Variants in IGSF10 observed in about 807,000 individuals in gnomAD.
The protein encoded by IGSF10 is immunoglobulin superfamily member 10.
IGSF10 carries 126 observed loss-of-function variants against 128.2 expected under a neutral mutation model. That is an observed-to-expected ratio of 0.98 (90% confidence interval 0.85 to 1.14). IGSF10 has a LOEUF of 1.14. Among genes scored for constraint, IGSF10 ranks in the 50% most tolerant of loss-of-function variants. IGSF10 has a pLI of 0.00. For missense variants in IGSF10, 3,295 were observed against 3,149.8 expected (o/e 1.05, Z -1.10); for synonymous variants, 1,185 against 1,146.2 (o/e 1.03, Z -0.68).
the IGSF10 span, among the ~76,000 whole-genome samples, chr3:151,608,705 T>G: frequency 6.6e-6 from 1 of 152,316 alleles, no homozygotes; most frequent in Non-Finnish European, 1.5e-5. Flanking sequence ...TTTTGGACAT[T>G]AGGGGCACAG....
At chr3:151,554,314 A>T in the IGSF10 span, among the ~76,000 whole-genome samples, 4 of 152,120 alleles carry the variant, frequency 2.6e-5, no homozygotes, top group African/African-American at 7.2e-5. Context: ...AAATAAAAAT[A>T]AAAAAATTAT....
chr3:151,456,699 A>AT (rs1262282328), intron 4 of IGSF10, among the ~76,000 whole-genome samples: 11 of 152,210 alleles, frequency 7.2e-5, no homozygotes, highest in African/African-American at 2.2e-4. Flanking sequence ...TAAGATAGTC[A>AT]TTACTTTTAG....
the IGSF10 span, among the ~76,000 whole-genome samples, chr3:151,517,622 G>A: frequency 6.6e-6 from 1 of 151,868 alleles, no homozygotes; most frequent in African/African-American, 2.4e-5. Context: ...GTAACAGAGT[G>A]GCACTAAGGC....
intron 4 of IGSF10, 109 bp from the exon 5 acceptor site, chr3:151,453,883 T>C (rs1217638927): frequency 3.1e-6 from 2 of 636,390 alleles, no homozygotes. Flanking sequence ...GTGCAATTTA[T>C]ATACCTTCTT....
At chr3:151,617,237 TTCCTCC>T in the IGSF10 span, among the ~76,000 whole-genome samples, 43 of 129,032 alleles carry the variant, frequency 3.3e-4, no homozygotes, top group Admixed American at 4.7e-4. Flanking sequence ...CTTCTTCTTC[TTCCTCC>T]TCCTCTTCTT....
the IGSF10 span, among the ~76,000 whole-genome samples, chr3:151,546,139 A>C: frequency 6.6e-6 from 1 of 151,832 alleles, no homozygotes; most frequent in African/African-American, 2.4e-5. Flanking sequence ...ACCTGGGAGC[A>C]TCAAAAACAG....
Position 151,448,094 on chromosome 3 carries a change from T to G in IGSF10, c.1887A>C (p.Thr629=). ...SRDKKVLNNG[T]LRILQVTPKD... ...TCGGGGTGACCTGTAATATTCTTAA[T>G]GTGCCATTGTTTAGAACTTTCTTGT... is the stretch of plus-strand genomic sequence containing the variant. Residue 629 remains threonine (T), a synonymous_variant, in exon 6 of 8, where the codon ACA becomes ACC. Coordinates refer to ENST00000282466, the MANE Select transcript of IGSF10 (RefSeq NM_178822.5). The G allele has an allele frequency of 6.2e-7, 1 of 1,614,230 alleles. No homozygotes were observed. The highest frequency in any genetic ancestry group is 8.5e-7 in the Non-Finnish European group (1 of 1,180,048).
the IGSF10 span, among the ~76,000 whole-genome samples, chr3:151,548,288 C>T: frequency 6.6e-6 from 1 of 152,086 alleles, no homozygotes; most frequent in East Asian, 1.9e-4. Flanking sequence ...TGTCAACAGC[C>T]CCAGCTAAGG....
the IGSF10 span, among the ~76,000 whole-genome samples, chr3:151,533,088 T>C: frequency 7.2e-5 from 11 of 152,052 alleles, no homozygotes; most frequent in East Asian, 1.4e-3. Context: ...ATAAAATACC[T>C]AGGAATAAAA....
downstream of IGSF10, chr3:151,432,842 A>G (rs1288898559): frequency 2.6e-6 from 4 of 1,527,938 alleles, no homozygotes; most frequent in Non-Finnish European, 3.6e-6. Flanking sequence ...TTATGTTTGC[A>G]CTGAAAAACA....
chr3:151,614,452 A>C, the IGSF10 span, among the ~76,000 whole-genome samples: 1 of 152,256 alleles, frequency 6.6e-6, no homozygotes, highest in Non-Finnish European at 1.5e-5. Context: ...CTGGATTAAG[A>C]AAATGTGGCA....
At chr3:151,460,741 T>G (rs922705384) in intron 1 of IGSF10, among the ~76,000 whole-genome samples, 34 of 152,044 alleles carry the variant, frequency 2.2e-4, no homozygotes, top group Non-Finnish European at 2.1e-4. Context: ...GTGTTTTTTT[T>G]TTTTGCCTGG....
At chr3:151,604,785 T>C in the IGSF10 span, among the ~76,000 whole-genome samples, 1 of 152,162 alleles carries the variant, frequency 6.6e-6, no homozygotes, top group African/African-American at 2.4e-5. Flanking sequence ...AGTTATATTC[T>C]ATAAAGTCAC....
At position 151,436,307 on chromosome 3, in the gene IGSF10, CTCTGT is replaced by C. The variant is rs781640809; in HGVS notation, c.*377_*381del. Reference sequence around the variant, plus strand: ...TTGCAGATTTAATATTTTCCATTGTCTCTGTTCTGAGTGCCATGCTTGTAACATTG... The same window carrying C: ...TTGCAGATTTAATATTTTCCATTGTCTCTGAGTGCCATGCTTGTAACATTG... On this transcript the variant is annotated 3_prime_UTR_variant, in exon 8 of 8. Transcript: ENST00000282466. The C allele has an allele frequency of 9.6e-5, 16 of 166,620 alleles. No individual in the cohort carries two copies. Among genetic ancestry groups the C allele is most frequent in the Admixed American group, 2.3e-4 (4 of 17,700 alleles). The allele number at this position is 166,620 out of a possible 1,614,324, so 10.3% of individuals were successfully genotyped here.
the IGSF10 span, among the ~76,000 whole-genome samples, chr3:151,503,548 T>C: frequency 1.3e-5 from 2 of 151,746 alleles, no homozygotes; most frequent in South Asian, 4.2e-4. Flanking sequence ...TTAGAAAAAA[T>C]TGTGTAGAAT....
At chr3:151,472,823 A>C in the IGSF10 span, among the ~76,000 whole-genome samples, 5 of 152,126 alleles carry the variant, frequency 3.3e-5, no homozygotes, top group Admixed American at 6.5e-5. Context: ...GAACCTGGAG[A>C]CTGGGTCTTC....
chr3:151,443,431 G>T lies in IGSF10; in HGVS notation c.5516C>A (p.Ala1839Glu). 6.2e-7 allele frequency: 1 copy of T among 1,614,206 alleles called. No individual in the cohort carries two copies. Reference sequence around the variant, plus strand: ...TTGCTCTAGAATAACAGGTGGTGCTGCAATGACTTGTATTTTAACCAGCAG... The same window carrying T: ...TTGCTCTAGAATAACAGGTGGTGCTTCAATGACTTGTATTTTAACCAGCAG... ...DSLLVKIQVI[A>E]APPVILEQRR... Residue 1839 changes from alanine to glutamate, a missense_variant, in exon 7 of 8, where the codon GCA (alanine) becomes GAA (glutamate). Physicochemically the swap from Ala to Glu is moderately radical, Grantham distance 107 (BLOSUM62 -1). Transcript: ENST00000282466.
chr3:151,535,739 A>C, the IGSF10 span, among the ~76,000 whole-genome samples: 1 of 152,208 alleles, frequency 6.6e-6, no homozygotes, highest in Non-Finnish European at 1.5e-5. Flanking sequence ...TTATTTGCTT[A>C]CATGCCTCTA....
At chr3:151,467,915 G>T in the IGSF10 span, among the ~76,000 whole-genome samples, 9 of 150,606 alleles carry the variant, frequency 6.0e-5, no homozygotes, top group East Asian at 1.7e-3. Flanking sequence ...AAGAAAAAAA[G>T]AAAGAAAAAT....
Sources: allele counts gnomAD v4.1 joint callset (sites outside exome capture counted in the v4.1 genomes callset), GRCh38; gene constraint gnomAD v4.1.1; transcripts MANE v1.5; gene names NCBI Gene and HGNC (gene_info 2026-07-23, HGNC 2026-07-21).